Variants in ANKS1B observed in about 807,000 individuals in gnomAD.
ANKS1B encodes ankyrin repeat and sterile alpha motif domain-containing protein 1B.
Under a neutral mutation model 148.3 loss-of-function variants are expected in ANKS1B, and 36 were observed. That is an observed-to-expected ratio of 0.24 (90% CI 0.19 to 0.32). The LOEUF is 0.32. Ranked by LOEUF, ANKS1B falls within the 10% of genes least tolerant of loss-of-function variation. The pLI is 1.00. For missense variants in ANKS1B, 1,157 were observed against 1,542.6 expected, an observed-to-expected ratio of 0.75 and a Z score of 4.19; for synonymous variants, 542 against 560.8, an observed-to-expected ratio of 0.97 and a Z score of 0.47.
rs1228806523 is a variant in ANKS1B at position 99,581,472 on chromosome 12, T to A, written c.1272+73595A>T. The stretch of plus-strand genomic sequence containing the variant: ...TTCTAAAGAAAAATATAGGGTAAAA[T>A]CTTTGTAACTTTGGCTTGGGTACAG... On this transcript the variant is annotated intron_variant, in intron 9 of 26. Coordinates refer to ENST00000683438, the MANE Select transcript of ANKS1B (RefSeq NM_001352186.2). 2.0e-5 allele frequency among the ~76,000 whole-genome samples: 3 copies of A among 152,296 alleles called. No individual in the cohort carries two copies. In the East Asian group the frequency reaches 5.8e-4, roughly 29 times the overall value.
chr12:98,934,083 G>A lies in ANKS1B; in HGVS notation c.2779-101947C>T, dbSNP rs758809381. Among the ~76,000 whole-genome samples, 9 of 152,138 alleles carry A rather than the reference G, an allele frequency of 5.9e-5. No homozygotes were observed. In the South Asian group the frequency reaches 1.0e-3, roughly 18 times the overall value. On this transcript the variant is annotated intron_variant, in intron 17 of 26. Transcript: ENST00000683438. Reference sequence around the variant, plus strand: ...ATACCCATGAAATCATGGCCAAGACGACTGTCAAGTGGTTTTTCATGTATG... The same window carrying A: ...ATACCCATGAAATCATGGCCAAGACAACTGTCAAGTGGTTTTTCATGTATG...
At chr12:99,943,707 C>G (rs1287685935) in intron 1 of ANKS1B, among the ~76,000 whole-genome samples, 1 of 152,048 alleles carries the variant, frequency 6.6e-6, no homozygotes, top group African/African-American at 2.4e-5. Flanking sequence ...GTCCCTGCCA[C>G]AACATGCGGG....
At chr12:99,305,946 T>A (rs1164829199) in intron 12 of ANKS1B, among the ~76,000 whole-genome samples, 1 of 152,138 alleles carries the variant, frequency 6.6e-6, no homozygotes, top group Admixed American at 6.6e-5. Flanking sequence ...CTGAAATCTA[T>A]TTTTTCTTTA....
chr12:99,073,846 CACCATATTCACTCAGG>C (rs2047011537), intron 16 of ANKS1B, among the ~76,000 whole-genome samples: 2 of 152,178 alleles, frequency 1.3e-5, no homozygotes, highest in African/African-American at 4.8e-5. Flanking sequence ...TCTGATATAG[CACCATATTCACTCAGG>C]AGGCAATTGT....
At chr12:98,998,616 T>C (rs1243756897) in intron 17 of ANKS1B, among the ~76,000 whole-genome samples, 1 of 152,202 alleles carries the variant, frequency 6.6e-6, no homozygotes, top group Non-Finnish European at 1.5e-5. Flanking sequence ...TAAATTAATG[T>C]TTTATTAACC....
intron 14 of ANKS1B, among the ~76,000 whole-genome samples, chr12:99,192,159 C>T (rs2080825758): frequency 7.9e-6 from 1 of 126,888 alleles, no homozygotes; most frequent in Non-Finnish European, 1.6e-5. Flanking sequence ...AAAAAAAAGT[C>T]ACATATTGTG....
chr12:99,474,642 AGG>A (rs2096288341), intron 10 of ANKS1B, among the ~76,000 whole-genome samples: 1 of 152,126 alleles, frequency 6.6e-6, no homozygotes, highest in Non-Finnish European at 1.5e-5. Flanking sequence ...AAAATATATA[AGG>A]TCATATTTTA....
chr12:99,538,253 T>C (rs2097092647), intron 9 of ANKS1B, among the ~76,000 whole-genome samples: 2 of 152,176 alleles, frequency 1.3e-5, no homozygotes, highest in Admixed American at 6.5e-5. Flanking sequence ...TTTTTGTGGT[T>C]CCATATACAT....
intron 14 of ANKS1B, chr12:99,155,139 C>T (rs897478609): frequency 2.6e-5 from 39 of 1,481,942 alleles, no homozygotes; most frequent in Non-Finnish European, 3.1e-5. Flanking sequence ...CCAGGAAATG[C>T]GAAGCTTGAA....
At chr12:99,047,050 C>T (rs2099962958) in intron 17 of ANKS1B, among the ~76,000 whole-genome samples, 1 of 151,886 alleles carries the variant, frequency 6.6e-6, no homozygotes, top group Non-Finnish European at 1.5e-5. Flanking sequence ...TTTAAATGAC[C>T]TAATACTGAT....
chr12:99,441,051 G>A (rs114552123), intron 11 of ANKS1B, among the ~76,000 whole-genome samples: 1,522 of 151,894 alleles, frequency 0.01, 25 homozygotes, highest in African/African-American at 0.032. Context: ...TTTTAAAAGT[G>A]AAATTATCAT....
chr12:99,767,826 AC>A (rs143591604), intron 8 of ANKS1B, among the ~76,000 whole-genome samples: 1,752 of 152,188 alleles, frequency 0.012, 41 homozygotes, highest in African/African-American at 0.039. Flanking sequence ...TACATGCAAA[AC>A]CTCCAATTGA....
At chr12:98,859,415 G>A (rs146710532) in intron 17 of ANKS1B, among the ~76,000 whole-genome samples, 2 of 152,174 alleles carry the variant, frequency 1.3e-5, no homozygotes, top group African/African-American at 4.8e-5. Context: ...GCCAACAAAT[G>A]AGTTTTACTG....
At chr12:99,914,178 T>C (rs2094098129) in intron 1 of ANKS1B, among the ~76,000 whole-genome samples, 1 of 152,182 alleles carries the variant, frequency 6.6e-6, no homozygotes, top group South Asian at 2.1e-4. Flanking sequence ...CTAATAAGAC[T>C]GTTGGTAATA....
chr12:99,854,090 C>T (rs754847584), intron 1 of ANKS1B, among the ~76,000 whole-genome samples: 12 of 152,192 alleles, frequency 7.9e-5, no homozygotes, highest in Non-Finnish European at 1.6e-4. Flanking sequence ...GGCTCATGTG[C>T]AAGCTCCGCC....
chr12:99,776,972 C>A (rs370730903), intron 6 of ANKS1B, among the ~76,000 whole-genome samples: 1 of 151,974 alleles, frequency 6.6e-6, no homozygotes, highest in African/African-American at 2.4e-5. Flanking sequence ...CGTGAGCCAC[C>A]GCACCCTGCC....
chr12:99,762,434 A>C (rs1018749851), intron 8 of ANKS1B, among the ~76,000 whole-genome samples: 1 of 151,658 alleles, frequency 6.6e-6, no homozygotes, highest in Non-Finnish European at 1.5e-5. Flanking sequence ...ACAATGGGGA[A>C]AGGACAAGCT....
chr12:99,138,915 C>CTCTCCCTT (rs1460376772), intron 15 of ANKS1B, among the ~76,000 whole-genome samples: 2 of 151,762 alleles, frequency 1.3e-5, no homozygotes, highest in Admixed American at 1.3e-4. Context: ...CTTTCTTTGT[C>CTCTCCCTT]TCTCCCTTTC....
intron 10 of ANKS1B, among the ~76,000 whole-genome samples, chr12:99,471,694 T>G (rs1253416966): frequency 2.0e-5 from 3 of 151,924 alleles, no homozygotes; most frequent in Non-Finnish European, 2.9e-5. Flanking sequence ...TAAAGTGCTT[T>G]GAAGTGTTTA....
Sources: gnomAD v4.1 joint callset for allele counts (sites outside exome capture counted in the v4.1 genomes callset) on GRCh38, gnomAD v4.1.1 for gene constraint, MANE v1.5 for transcripts, NCBI Gene and HGNC (gene_info 2026-07-23, HGNC 2026-07-21) for gene names.